CCBE1: variants seen among roughly 807,000 people sequenced by gnomAD.
CCBE1 encodes collagen and calcium binding EGF domains 1.
A neutral mutation model predicts 50.0 loss-of-function variants in CCBE1; 37 were observed. The ratio of observed to expected loss-of-function variants is 0.74; its 90% CI spans 0.57 to 0.97. The LOEUF (loss-of-function observed/expected upper bound fraction) is 0.97, where lower values mean the gene tolerates loss of function less well. Among genes scored for constraint, CCBE1 ranks in the 50% least tolerant of loss-of-function variants. The pLI is 0.00. For synonymous variants in CCBE1, 234 were observed against 203.7 expected (o/e 1.15, Z -1.27); for missense variants, 538 against 523.8 (o/e 1.03, Z -0.26).
intron 2 of CCBE1, among the ~76,000 whole-genome samples, chr18:59,588,854 C>T (rs984163060): frequency 7.5e-4 from 114 of 152,328 alleles, no homozygotes; most frequent in African/African-American, 2.6e-3. Context: ...TGTGAGGCAC[C>T]TCAAAGGCTC....
At chr18:59,614,558 G>A (rs1442657853) in intron 2 of CCBE1, among the ~76,000 whole-genome samples, 1 of 152,200 alleles carries the variant, frequency 6.6e-6, no homozygotes, top group Non-Finnish European at 1.5e-5. Flanking sequence ...GCAGCAGACG[G>A]CTGGGGCAAT....
chr18:59,489,851 T>G (rs1913007816), intron 2 of CCBE1, among the ~76,000 whole-genome samples: 1 of 152,128 alleles, frequency 6.6e-6, no homozygotes, highest in South Asian at 2.1e-4. Flanking sequence ...TGCCTTTGCC[T>G]TAGTTCAAAT....
At chr18:59,470,906 C>A (rs1195793709) in intron 3 of CCBE1, among the ~76,000 whole-genome samples, 1 of 152,162 alleles carries the variant, frequency 6.6e-6, no homozygotes, top group Non-Finnish European at 1.5e-5. Flanking sequence ...CTCACGATGA[C>A]CTGGAAAGCT....
intron 2 of CCBE1, chr18:59,563,742 A>G (rs944841367): frequency 3.3e-5 from 5 of 152,198 alleles, no homozygotes; most frequent in African/African-American, 1.2e-4. Flanking sequence ...GGAACTTAGG[A>G]TTTACAAGTC....
intron 4 of CCBE1, among the ~76,000 whole-genome samples, chr18:59,467,483 C>T (rs1482153587): frequency 6.6e-6 from 1 of 152,056 alleles, no homozygotes; most frequent in East Asian, 1.9e-4. Context: ...AAGAGTCTTC[C>T]CCAGGAAATT....
intron 2 of CCBE1, among the ~76,000 whole-genome samples, chr18:59,671,849 A>G (rs147162718): frequency 6.6e-6 from 1 of 151,868 alleles, no homozygotes; most frequent in Non-Finnish European, 1.5e-5. Context: ...ATTTACTCCT[A>G]GAGAGCAGAT....
At chr18:59,530,929 G>GT (rs1244094183) in intron 2 of CCBE1, among the ~76,000 whole-genome samples, 3 of 151,194 alleles carry the variant, frequency 2.0e-5, no homozygotes, top group African/African-American at 4.9e-5. Flanking sequence ...TATTTATGAT[G>GT]TTTTTTCAAA....
intron 2 of CCBE1, among the ~76,000 whole-genome samples, chr18:59,651,236 T>A (rs758560144): frequency 9.9e-5 from 15 of 152,242 alleles, no homozygotes; most frequent in Non-Finnish European, 1.9e-4. Flanking sequence ...ACTTAGGAAG[T>A]GTTCCTTGGC....
At chr18:59,436,177 C>G (rs772954607) in intron 10 of CCBE1, 36 bp from the exon 11 acceptor site, 2 of 1,594,404 alleles carry the variant, frequency 1.3e-6, no homozygotes, top group Admixed American at 1.7e-5. Flanking sequence ...TAGAATACGA[C>G]AGACAGCAAT....
chr18:59,566,950 T>A (rs1410542144), intron 2 of CCBE1, among the ~76,000 whole-genome samples: 4 of 152,192 alleles, frequency 2.6e-5, no homozygotes. Context: ...AGAATTCTTT[T>A]TAAAGAACGA....
chr18:59,666,852 C>A (rs1265649959), intron 2 of CCBE1, among the ~76,000 whole-genome samples: 2 of 152,150 alleles, frequency 1.3e-5, no homozygotes, highest in Non-Finnish European at 2.9e-5. Flanking sequence ...GTAGTCCCAG[C>A]TTTCCAGGAG....
chr18:59,465,240 C>G (rs1911684771), intron 5 of CCBE1, among the ~76,000 whole-genome samples: 1 of 152,206 alleles, frequency 6.6e-6, no homozygotes, highest in Non-Finnish European at 1.5e-5. Flanking sequence ...GCAGGGGGAC[C>G]AGAGCTGCTT....
Position 59,693,864 on chromosome 18 carries a change from C to CTTTTTT in CCBE1, c.212+2759_212+2764dup, listed in dbSNP as rs11410421. On this transcript the variant is annotated intron_variant, in intron 2 of 10. Coordinates refer to ENST00000439986, the MANE Select transcript of CCBE1 (RefSeq NM_133459.4). ...AGAATATTTCTTGTTAAAGGAAAGC[C>CTTTTTT]TTTTTTTTTTTTTTTTTTTTTTTTT... 5.4e-4 allele frequency among the ~76,000 whole-genome samples: 38 copies of CTTTTTT among 70,770 alleles called. 3 individuals carry two copies. Among genetic ancestry groups the CTTTTTT allele is most frequent in the Admixed American group, 1.5e-3 (6 of 4,086 alleles). The allele number at this position is 70,770 out of a possible 152,430, so 46.4% of individuals were successfully genotyped here.
chr18:59,665,145 C>T (rs1051546865), intron 2 of CCBE1, among the ~76,000 whole-genome samples: 1 of 149,250 alleles, frequency 6.7e-6, no homozygotes, highest in African/African-American at 2.5e-5. Flanking sequence ...GTACAACTTC[C>T]TAAAAACCTG....
intron 2 of CCBE1, among the ~76,000 whole-genome samples, chr18:59,554,292 T>G (rs552708445): frequency 1.3e-5 from 2 of 152,326 alleles, no homozygotes; most frequent in East Asian, 3.9e-4. Context: ...AACCAGAGCA[T>G]ACTTCTGTCC....
At chr18:59,644,158 C>T (rs1568250510) in intron 2 of CCBE1, among the ~76,000 whole-genome samples, 1 of 152,184 alleles carries the variant, frequency 6.6e-6, no homozygotes, top group Non-Finnish European at 1.5e-5. Context: ...ACAAGGAACC[C>T]ACAACCTAGG....
intron 2 of CCBE1, among the ~76,000 whole-genome samples, chr18:59,618,879 G>A (rs778746252): frequency 1.3e-5 from 2 of 152,042 alleles, no homozygotes; most frequent in Non-Finnish European, 2.9e-5. Flanking sequence ...GGCTGAGAAA[G>A]TTTACATAAC....
chr18:59,478,818 C>A (rs748609758), intron 3 of CCBE1, among the ~76,000 whole-genome samples: 42 of 152,176 alleles, frequency 2.8e-4, no homozygotes, highest in Non-Finnish European at 4.4e-4. Context: ...GAAAGAAGTG[C>A]AATTATTGTG....
chr18:59,485,020 G>A (rs1195622418), intron 2 of CCBE1, among the ~76,000 whole-genome samples: 1 of 152,204 alleles, frequency 6.6e-6, no homozygotes, highest in African/African-American at 2.4e-5. Flanking sequence ...ACACTGCTGT[G>A]TGGTTTTTAT....
Sources: gnomAD v4.1 joint callset for allele counts (sites outside exome capture counted in the v4.1 genomes callset) on GRCh38, gnomAD v4.1.1 for gene constraint, MANE v1.5 for transcripts, NCBI Gene and HGNC (gene_info 2026-07-23, HGNC 2026-07-21) for gene names.